Variants in PRSS23 observed in about 807,000 individuals in gnomAD.
PRSS23 encodes the protein protease, serine 23.
Under a neutral mutation model 34.7 loss-of-function variants are expected in PRSS23, and 25 were observed. That is an observed-to-expected ratio of 0.72 (90% confidence interval 0.53 to 1.01). The LOEUF is 1.01. Among genes scored for constraint, PRSS23 ranks in the 50% least tolerant of loss-of-function variants. PRSS23 has a pLI of 0.00. For synonymous variants in PRSS23, 176 were observed against 186.6 expected (o/e 0.94, Z 0.46); for missense variants, 445 against 475.6 (o/e 0.94, Z 0.60).
Position 86,808,779 on chromosome 11 carries a change from A to G in PRSS23, c.1136A>G (p.Asp379Gly). The G allele has an allele frequency of 6.2e-7, 1 of 1,609,226 alleles. No individual in the cohort carries two copies. The highest frequency in any genetic ancestry group is 8.5e-7 in the Non-Finnish European group (1 of 1,176,782). ...TATTGGATTAAAGGAAACTACCTGG[A>G]TTGTAGGGAGGGGTGACACAGTGTT... is the stretch of plus-strand genomic sequence containing the variant. Reference protein sequence around the residue: ...ICYWIKGNYLDCREG With the variant: ...ICYWIKGNYLGCREG The change falls in exon 2 of 2, where the codon GAT (aspartate) becomes GGT (glycine). Residue 379 changes from aspartate (D) to glycine (G), a missense_variant. Physicochemically the swap from Asp to Gly is moderately conservative, Grantham distance 94 (BLOSUM62 -1). Coordinates refer to ENST00000280258, the MANE Select transcript of PRSS23 (RefSeq NM_007173.6).
chr11:86,857,471 A>C (rs1490917026), intron 2 of PRSS23: 3 of 398,120 alleles, frequency 7.5e-6, no homozygotes, highest in African/African-American at 2.1e-5. Flanking sequence ...GGGTCACAGA[A>C]AAAAAATTAT....
chr11:86,849,281 A>G (rs1948511840), intron 2 of PRSS23, among the ~76,000 whole-genome samples: 1 of 152,218 alleles, frequency 6.6e-6, no homozygotes, highest in Non-Finnish European at 1.5e-5. Context: ...CTCCAGCTGC[A>G]ATTGGGAGAC....
At chr11:86,873,235 T>TATATAC (rs368142419) in intron 2 of PRSS23, among the ~76,000 whole-genome samples, 2 of 135,462 alleles carry the variant, frequency 1.5e-5, no homozygotes, top group African/African-American at 5.8e-5. Flanking sequence ...TATATATATA[T>TATATAC]ACACACACAC....
rs2155081 is a variant in PRSS23, at chr11:86,809,710, G to A, written c.*915G>A. The A allele has an allele frequency of 0.22, 37,175 of 166,906 alleles. 4,554 individuals are homozygous for A. Among genetic ancestry groups the A allele is most frequent in the East Asian group, 0.42 (2,181 of 5,178 alleles). The allele number at this position is 166,906 out of a possible 1,614,324, so 10.3% of individuals were successfully genotyped here. On this transcript the variant is annotated 3_prime_UTR_variant, in exon 2 of 2. Coordinates refer to ENST00000280258, the MANE Select transcript of PRSS23 (RefSeq NM_007173.6). ...CATAGCATTTTACCCCTGGATTATA[G>A]CACATCTCATGTTTTATCATTTGGA...
chr11:86,901,661 G>A (rs569484669), intron 2 of PRSS23, among the ~76,000 whole-genome samples: 7 of 152,092 alleles, frequency 4.6e-5, no homozygotes, highest in Non-Finnish European at 8.8e-5. Flanking sequence ...TACATATATA[G>A]TCATACAGTC....
intron 2 of PRSS23, among the ~76,000 whole-genome samples, chr11:86,876,054 CTCT>C (rs1948722150): frequency 6.6e-6 from 1 of 152,202 alleles, no homozygotes; most frequent in Non-Finnish European, 1.5e-5. Context: ...GTACAAGTCA[CTCT>C]GCCTTTCTGA....
At chr11:86,905,252 T>C (rs982710786) in intron 2 of PRSS23, among the ~76,000 whole-genome samples, 8 of 152,344 alleles carry the variant, frequency 5.3e-5, no homozygotes, top group African/African-American at 1.9e-4. Context: ...ATAGTGGCTA[T>C]TCAATAACTG....
At chr11:86,797,754 T>A (rs1947990595), upstream of PRSS23, among the ~76,000 whole-genome samples, 1 of 152,218 alleles carries the variant, frequency 6.6e-6, no homozygotes, top group Non-Finnish European at 1.5e-5. Context: ...CAATACCTAA[T>A]ATTTATTAAG....
exon 3 of PRSS23, chr11:86,952,046 G>A (rs778512862): frequency 6.2e-7 from 1 of 1,614,084 alleles, no homozygotes; most frequent in Non-Finnish European, 8.5e-7. Flanking sequence ...GGTCAGTACT[G>A]TGAAGGCAGT....
intron 2 of PRSS23, among the ~76,000 whole-genome samples, chr11:86,828,798 T>G (rs896613100): frequency 6.6e-6 from 1 of 152,210 alleles, no homozygotes; most frequent in Non-Finnish European, 1.5e-5. Context: ...AAAATTCTTT[T>G]CTTTAAGAGT....
chr11:86,899,394 C>G (rs933553089), intron 2 of PRSS23, among the ~76,000 whole-genome samples: 1 of 152,152 alleles, frequency 6.6e-6, no homozygotes, highest in Non-Finnish European at 1.5e-5. Flanking sequence ...CAGCTCGCAC[C>G]TGTAGTCCCA....
At chr11:86,881,494 A>C (rs1221826431) in intron 2 of PRSS23, among the ~76,000 whole-genome samples, 2 of 152,002 alleles carry the variant, frequency 1.3e-5, no homozygotes, top group African/African-American at 4.8e-5. Context: ...GGCTGAATTC[A>C]GTTTGCTAGT....
chr11:86,838,518 C>T (rs1253892042), intron 2 of PRSS23, among the ~76,000 whole-genome samples: 2 of 152,208 alleles, frequency 1.3e-5, no homozygotes, highest in Non-Finnish European at 2.9e-5. Context: ...CCTACTGCCT[C>T]TCTAGATTTC....
rs144740366 is a variant in PRSS23 at position 86,807,921 on chromosome 11, A to G, written c.278A>G (p.Asn93Ser). The change falls in exon 2 of 2, where the codon AAT becomes AGT. Residue 93 changes from asparagine to serine, a missense_variant. Coordinates refer to ENST00000280258, the MANE Select transcript of PRSS23 (RefSeq NM_007173.6). ...QYLSYETLYA[N>S]GSRTETQVGI... ...CTGTCTTATGAAACGCTCTATGCCA[A>G]TGGCAGCCGCACAGAGACGCAGGTG... 2.0e-5 allele frequency: 33 copies of G among 1,614,064 alleles called. No individual in the cohort carries two copies. The Admixed American group carries it at 2.5e-4, about 12-fold the overall frequency.
At chr11:86,823,671 G>A (rs1948271524) in intron 2 of PRSS23, 3 of 687,736 alleles carry the variant, frequency 4.4e-6, no homozygotes, top group Non-Finnish European at 8.0e-6. Context: ...ATTTTCTAAT[G>A]CATTTTAACG....
intron 2 of PRSS23, among the ~76,000 whole-genome samples, chr11:86,906,404 T>A (rs1056862306): frequency 6.6e-6 from 1 of 152,190 alleles, no homozygotes; most frequent in Non-Finnish European, 1.5e-5. Flanking sequence ...CTCCGCCTGG[T>A]ACTCGCTTTC....
At chr11:86,915,186 G>A (rs1296435092) in intron 2 of PRSS23, among the ~76,000 whole-genome samples, 2 of 152,160 alleles carry the variant, frequency 1.3e-5, no homozygotes, top group Non-Finnish European at 2.9e-5. Context: ...AAAGGAGTGA[G>A]ACTAGGATTA....
At chr11:86,813,944 A>G (rs1471871722), downstream of PRSS23, among the ~76,000 whole-genome samples, 1 of 152,206 alleles carries the variant, frequency 6.6e-6, no homozygotes, top group Non-Finnish European at 1.5e-5. Flanking sequence ...TATCTGGAAG[A>G]GTATATATTT....
At chr11:86,951,057 A>C in intron 2 of PRSS23, 1 of 1,403,170 alleles carries the variant, frequency 7.1e-7, no homozygotes, top group Non-Finnish European at 1.0e-6. Flanking sequence ...ACTGAGATTC[A>C]CTGCATAAAA....
Sources: allele counts gnomAD v4.1 joint callset (sites outside exome capture counted in the v4.1 genomes callset), GRCh38; gene constraint gnomAD v4.1.1; transcripts MANE v1.5; gene names NCBI Gene and HGNC (gene_info 2026-07-23, HGNC 2026-07-21).